The following CECR2 variants were observed in gnomAD, a reference collection of about 807,000 sequenced individuals.
CECR2 encodes CECR2 histone acetyl-lysine reader.
In CECR2, 30 loss-of-function variants were observed where a neutral mutation model predicts 154.5. That is an observed-to-expected ratio of 0.19 (90% confidence interval 0.15 to 0.26). CECR2 has a LOEUF of 0.26. CECR2 is among the 10% of genes least tolerant of loss of function. The pLI is 1.00. For missense variants in CECR2, 1,743 were observed against 1,829.3 expected, an observed-to-expected ratio of 0.95 and a Z score of 0.86; for synonymous variants, 725 against 683.7, an observed-to-expected ratio of 1.06 and a Z score of -0.94.
At chr22:17,524,024 A>G (rs2056206339) in intron 8 of CECR2, 94 bp from the exon 9 acceptor site, 1 of 998,558 alleles carries the variant, frequency 1.0e-6, no homozygotes. Flanking sequence ...AGCTAATATT[A>G]TTTGTTGAAA....
At chr22:17,380,003 C>T (rs2063168217) in intron 1 of CECR2, among the ~76,000 whole-genome samples, 1 of 152,128 alleles carries the variant, frequency 6.6e-6, no homozygotes, top group African/African-American at 2.4e-5. Flanking sequence ...CACAGAGACC[C>T]TGTGTCTTGT....
In CECR2 at chr22:17,520,695, T is replaced by C. The variant is rs542411678; in HGVS notation, c.955-3423T>C. Among the ~76,000 whole-genome samples, 5 of 152,250 alleles carry C rather than the reference T, an allele frequency of 3.3e-5. No individual in the cohort carries two copies. The East Asian group carries it at 9.7e-4, about 29-fold the overall frequency. On this transcript the variant is annotated intron_variant, in intron 8 of 18. Transcript: ENST00000262608. ...CGGTGTTTGGTTTTCTGTCTTGTGA[T>C]AGTTTGCTGAGAATGATGGTTTCCA...
intron 1 of CECR2, among the ~76,000 whole-genome samples, chr22:17,364,358 A>AAAAAAAAAC (rs2062991098): frequency 6.7e-6 from 1 of 149,924 alleles, no homozygotes; most frequent in Non-Finnish European, 1.5e-5. Context: ...AAAAAAAAAA[A>AAAAAAAAAC]AAAAGAATTT....
intron 2 of CECR2, among the ~76,000 whole-genome samples, chr22:17,494,928 C>T (rs577818525): frequency 2.0e-5 from 3 of 152,040 alleles, no homozygotes; most frequent in South Asian, 4.2e-4. Flanking sequence ...CTCCTGACCT[C>T]GTGATCCGCC....
At chr22:17,539,475 A>G (rs2056487823) in intron 13 of CECR2, among the ~76,000 whole-genome samples, 1 of 152,032 alleles carries the variant, frequency 6.6e-6, no homozygotes, top group Non-Finnish European at 1.5e-5. Flanking sequence ...CAAAGTAGAA[A>G]TGGCTCTTTC....
At chr22:17,445,431 A>T (rs576165669) in intron 1 of CECR2, among the ~76,000 whole-genome samples, 3 of 152,084 alleles carry the variant, frequency 2.0e-5, no homozygotes, top group Non-Finnish European at 4.4e-5. Flanking sequence ...CTAAGTTTCC[A>T]TGGGGGATTG....
At chr22:17,521,219 T>G (rs2056151851) in intron 8 of CECR2, among the ~76,000 whole-genome samples, 1 of 152,176 alleles carries the variant, frequency 6.6e-6, no homozygotes, top group Non-Finnish European at 1.5e-5. Context: ...TCATGTGTCT[T>G]TTGGCTGCAT....
At position 17,554,802 on chromosome 22, in the gene CECR2, C is replaced by G. The variant is rs1569163648; in HGVS notation, c.*1962C>G. The stretch of plus-strand genomic sequence containing the variant: ...ACCTGGTTTAGAAGAGTGAAGAGGA[C>G]AGAAGGATTGTGGATGGGTCTGCCC... On this transcript the variant is annotated 3_prime_UTR_variant, in exon 19 of 19. Transcript: ENST00000262608. The G allele has an allele frequency of 1.3e-5, 2 of 152,186 alleles. No homozygotes were observed. Among genetic ancestry groups the G allele is most frequent in the Non-Finnish European group, 2.9e-5 (2 of 68,064 alleles). 9.4% of individuals were successfully genotyped at this position (152,186 alleles called of 1,614,324 possible).
chr22:17,541,936 C>G lies in CECR2; in HGVS notation c.1982C>G (p.Pro661Arg). The change falls in exon 15 of 19, where the codon CCT becomes CGT. Residue 661 changes from proline (P) to arginine (R), a missense_variant. Transcript: ENST00000262608. ...SGVPEPHPGE[P>R]VQQRQPFTMQ... The stretch of plus-strand genomic sequence containing the variant: ...GTCCCGGAGCCACACCCCGGGGAGC[C>G]TGTGCAGCAGCGTCAGCCTTTCACC... The G allele has an allele frequency of 2.5e-6, 4 of 1,613,974 alleles. No homozygotes were observed. Among genetic ancestry groups the G allele is most frequent in the Non-Finnish European group, 3.4e-6 (4 of 1,179,866 alleles).
At chr22:17,371,623 T>C (rs1375100785) in intron 1 of CECR2, among the ~76,000 whole-genome samples, 1 of 152,134 alleles carries the variant, frequency 6.6e-6, no homozygotes, top group Non-Finnish European at 1.5e-5. Flanking sequence ...TATCCTGCAG[T>C]CAAAATGGTG....
At chr22:17,549,990 CA>C (rs11398444) in intron 17 of CECR2, among the ~76,000 whole-genome samples, 2 of 149,652 alleles carry the variant, frequency 1.3e-5, no homozygotes, top group African/African-American at 2.5e-5. Context: ...GGTCTAGGAA[CA>C]AAAAAAATAT....
At chr22:17,493,316 G>C (rs1225637936) in intron 2 of CECR2, among the ~76,000 whole-genome samples, 1 of 152,146 alleles carries the variant, frequency 6.6e-6, no homozygotes, top group African/African-American at 2.4e-5. Context: ...ATGCAAAATT[G>C]TGTGCTCATT....
intron 8 of CECR2, among the ~76,000 whole-genome samples, chr22:17,523,137 A>G (rs1195371072): frequency 6.6e-6 from 1 of 152,008 alleles, no homozygotes; most frequent in Non-Finnish European, 1.5e-5. Context: ...TTGGAGTATT[A>G]CGCCTGTAAT....
chr22:17,466,359 A>G (rs541001437), intron 1 of CECR2, among the ~76,000 whole-genome samples: 4 of 152,364 alleles, frequency 2.6e-5, no homozygotes, highest in African/African-American at 7.2e-5. Context: ...ACTCAAAATT[A>G]AAACAATTGA....
intron 1 of CECR2, among the ~76,000 whole-genome samples, chr22:17,453,911 G>A (rs1327296174): frequency 6.6e-6 from 1 of 152,172 alleles, no homozygotes. Context: ...ATGGCACCGG[G>A]AAACAAGCAT....
At chr22:17,465,746 G>A (rs918080704) in intron 1 of CECR2, among the ~76,000 whole-genome samples, 2 of 152,134 alleles carry the variant, frequency 1.3e-5, no homozygotes, top group Admixed American at 1.3e-4. Context: ...GCCTCCCAAA[G>A]TGCCAGGATT....
At chr22:17,378,771 T>G (rs2063151029) in intron 1 of CECR2, among the ~76,000 whole-genome samples, 7 of 152,202 alleles carry the variant, frequency 4.6e-5, no homozygotes, top group Admixed American at 3.3e-4. Context: ...TGTTGGTCAT[T>G]GTATAGAAGG....
chr22:17,530,128 C>T (rs1303587983), intron 9 of CECR2, among the ~76,000 whole-genome samples: 1 of 151,264 alleles, frequency 6.6e-6, no homozygotes, highest in African/African-American at 2.4e-5. Flanking sequence ...ATTCTAGCAT[C>T]TCAACAGTGC....
chr22:17,365,644 C>T (rs2062998333), upstream of CECR2, among the ~76,000 whole-genome samples: 6 of 152,024 alleles, frequency 3.9e-5, no homozygotes. Context: ...TGCAGTGAGC[C>T]AAGATGGCAC....
Sources: allele counts gnomAD v4.1 joint callset (sites outside exome capture counted in the v4.1 genomes callset), GRCh38; gene constraint gnomAD v4.1.1; transcripts MANE v1.5; gene names NCBI Gene and HGNC (gene_info 2026-07-23, HGNC 2026-07-21).